The following SMG1 variants were observed in gnomAD, a reference collection of about 807,000 sequenced individuals.
The protein encoded by SMG1 is SMG1 nonsense mediated mRNA decay associated PI3K related kinase, also known as serine/threonine-protein kinase SMG1.
SMG1 carries 22 observed loss-of-function variants against 419.9 expected under a neutral mutation model. The ratio of observed to expected loss-of-function variants is 0.05; its 90% CI spans 0.04 to 0.07. SMG1 has a LOEUF of 0.07. Ranked by LOEUF, SMG1 falls within the 10% of genes least tolerant of loss-of-function variation. SMG1 has a pLI of 1.00. For synonymous variants in SMG1, 1,538 were observed against 1,553.5 expected (o/e 0.99, Z 0.23); for missense variants, 3,185 against 4,342.0 (o/e 0.73, Z 7.49).
chr16:18,899,919 C>A (rs12921861), intron 1 of SMG1: 240,730 of 783,828 alleles, frequency 0.31, 40,951 homozygotes, highest in Non-Finnish European at 0.33. Flanking sequence ...AATTTCCCCA[C>A]AACGATCAAA....
rs1157461970 is a variant in SMG1, at chr16:18,848,046, A to G, written c.5624-13T>C. On this transcript the variant is annotated splice_polypyrimidine_tract_variant and intron_variant, in intron 36 of 62. Transcript: ENST00000446231. ...GAAAATTTATTTCCTGTAATGAAAT[A>G]GGAGAACAAGGAATATTTTGAACAT... 7 of 1,594,956 alleles carry G rather than the reference A, an allele frequency of 4.4e-6. No individual in the cohort carries two copies. In the East Asian group the frequency reaches 1.6e-4, roughly 36 times the overall value.
intron 7 of SMG1, 51 bp downstream of exon 7, chr16:18,885,490 C>T (rs1032765441): frequency 3.1e-6 from 5 of 1,592,628 alleles, no homozygotes; most frequent in Middle Eastern, 4.5e-4. Flanking sequence ...TCCTCACACA[C>T]ACAACCATCC....
At chr16:18,924,086 A>C (rs1298434284) in intron 1 of SMG1, among the ~76,000 whole-genome samples, 6 of 152,208 alleles carry the variant, frequency 3.9e-5, no homozygotes, top group Non-Finnish European at 7.3e-5. Context: ...TCGTCTACCA[A>C]GGCGTTACAT....
intron 25 of SMG1, among the ~76,000 whole-genome samples, chr16:18,862,549 A>G (rs1036195284): frequency 7.2e-5 from 11 of 152,238 alleles, no homozygotes; most frequent in Middle Eastern, 3.4e-3. Context: ...ATCTTAAAAC[A>G]TGGCTTGTTC....
At position 18,870,032 on chromosome 16, in the gene SMG1, T is replaced by G. The variant is rs562548675; in HGVS notation, c.2493-38A>C. On this transcript the variant is annotated intron_variant, in intron 18 of 62. Transcript: ENST00000446231. The stretch of plus-strand genomic sequence containing the variant: ...AATAAAGTTGTTATGCAAAATATTT[T>G]AGCTTAAAAGGTTAGCACATACTGT... 94 of 1,462,630 alleles carry G rather than the reference T, an allele frequency of 6.4e-5. No individual in the cohort carries two copies. In the African/African-American group the frequency reaches 1.0e-3, roughly 16 times the overall value. 90.6% of individuals were successfully genotyped at this position (1,462,630 alleles called of 1,614,324 possible).
chr16:18,836,815 C>T (rs1422258669), intron 46 of SMG1, among the ~76,000 whole-genome samples: 1 of 152,214 alleles, frequency 6.6e-6, no homozygotes, highest in African/African-American at 2.4e-5. Flanking sequence ...GAGCCTCACA[C>T]AATGCTTGAC....
chr16:18,847,218 G>T (rs1311255441), intron 38 of SMG1, among the ~76,000 whole-genome samples: 1 of 152,122 alleles, frequency 6.6e-6, no homozygotes, highest in African/African-American at 2.4e-5. Flanking sequence ...AGGTGGCCAG[G>T]AACTGAGGTG....
Position 18,834,412 on chromosome 16 carries a change from G to A in SMG1, c.8357C>T (p.Ala2786Val), listed in dbSNP as rs1314551318. 5 of 1,613,486 alleles carry A rather than the reference G, an allele frequency of 3.1e-6. No individual in the cohort carries two copies. The highest frequency in any genetic ancestry group is 1.3e-5 in the African/African-American group (1 of 74,866). The change falls in exon 50 of 63, where the codon GCG (alanine) becomes GTG (valine). Residue 2786 changes from alanine to valine, a missense_variant. Ala to Val is a moderately conservative substitution (Grantham distance 64). Transcript: ENST00000446231. ...AACCAGCTGTTCTCCAGCACTTGAC[G>A]CTGCACCTTCCATCATCAGGTTACG... is the stretch of plus-strand genomic sequence containing the variant. ...TRRNLMMEGA[A>V]SSAGEQLVDL...
intron 1 of SMG1, among the ~76,000 whole-genome samples, chr16:18,919,344 AC>A (rs2038096553): frequency 7.0e-6 from 1 of 143,742 alleles, no homozygotes; most frequent in Non-Finnish European, 1.5e-5. Context: ...AAAATTTATG[AC>A]CGGGCACGGT....
chr16:18,899,131 A>G (rs1476957037), intron 1 of SMG1, among the ~76,000 whole-genome samples: 1 of 152,224 alleles, frequency 6.6e-6, no homozygotes, highest in Admixed American at 6.5e-5. Flanking sequence ...GTTCATGAGT[A>G]TATGAATATA....
chr16:18,854,082 CTTTTTTTTTTTT>C (rs11448105), intron 30 of SMG1, among the ~76,000 whole-genome samples: 1 of 84,012 alleles, frequency 1.2e-5, no homozygotes, highest in Non-Finnish European at 2.1e-5. Flanking sequence ...AAATACTAAA[CTTTTTTTTTTTT>C]TTTTTTTTTT....
Position 18,830,251 on chromosome 16 carries a change from C to A in SMG1, c.8911G>T (p.Val2971Phe). The A allele has an allele frequency of 6.2e-7, 1 of 1,613,950 alleles. No homozygotes were observed. The highest frequency in any genetic ancestry group is 8.5e-7 in the Non-Finnish European group (1 of 1,179,880). Reference protein sequence around the residue: ...LVAFDGMFAQVETAFSLLVEK... With the variant: ...LVAFDGMFAQFETAFSLLVEK... ...ACTAATAAGCTGAAAGCAGTTTCAA[C>A]TTGAGCAAACATGCCATCGAATGCT... The change falls in exon 52 of 63, where the codon GTT (valine) becomes TTT (phenylalanine). Residue 2971 changes from valine to phenylalanine, a missense_variant. Val to Phe is a conservative substitution (Grantham distance 50). This residue lies in a region of SMG1 where 737 missense variants were observed against 846.6 expected (regional missense o/e 0.87). Transcript: ENST00000446231.
At chr16:18,909,034 T>A (rs570101930) in intron 1 of SMG1, among the ~76,000 whole-genome samples, 1 of 151,812 alleles carries the variant, frequency 6.6e-6, no homozygotes, top group East Asian at 1.9e-4. Flanking sequence ...ATTACATATG[T>A]TAAATCTTCT....
At chr16:18,816,823 T>G (rs1251242844) in intron 57 of SMG1, among the ~76,000 whole-genome samples, 1 of 152,194 alleles carries the variant, frequency 6.6e-6, no homozygotes, top group Non-Finnish European at 1.5e-5. Context: ...GGTCCCTAAA[T>G]TCTAAATAAC....
chr16:18,916,069 C>CAAAAAAAAAAAAAAAAAAA (rs35871395), intron 1 of SMG1, among the ~76,000 whole-genome samples: 2 of 34,796 alleles, frequency 5.7e-5, no homozygotes, highest in African/African-American at 1.1e-4. Context: ...CACTTCGTCT[C>CAAAAAAAAAAAAAAAAAAA]AAAAAAAAAA....
intron 22 of SMG1, among the ~76,000 whole-genome samples, chr16:18,867,700 CTTTTTT>C (rs778044384): frequency 4.6e-5 from 4 of 87,882 alleles, no homozygotes; most frequent in Non-Finnish European, 6.3e-5. Flanking sequence ...ATTTTAACTT[CTTTTTT>C]TTTTTTTTTT....
At position 18,896,878 on chromosome 16, in the gene SMG1, T is replaced by C. The variant is rs1285930254; in HGVS notation, c.171A>G (p.Gly57=). Residue 57 remains glycine, a synonymous_variant, in exon 2 of 63, where the codon GGA becomes GGG. Transcript: ENST00000446231. ...SRDRGGSSSY[G]LQPSNSAVVS... ...CCACAGCTGAATTTGAAGGTTGCAG[T>C]CCATAAGAGGAAGAACCACCTCTAT... The C allele has an allele frequency of 8.1e-6, 13 of 1,608,630 alleles. No individual in the cohort carries two copies. The highest frequency in any genetic ancestry group is 1.1e-5 in the Non-Finnish European group (13 of 1,177,918).
chr16:18,841,555 T>C lies in SMG1; in HGVS notation c.6696+10A>G. On this transcript the variant is annotated intron_variant, in intron 41 of 62. Transcript: ENST00000446231. ...ATAGACTAATACACTGTGTAGATGA[T>C]TTAATCAACCTTTTGTGCTTGTAAG... 1.2e-6 allele frequency: 2 copies of C among 1,611,074 alleles called. No individual in the cohort carries two copies. Among genetic ancestry groups the C allele is most frequent in the Non-Finnish European group, 1.7e-6 (2 of 1,177,686 alleles).
At chr16:18,910,188 T>TC (rs1338293242) in intron 1 of SMG1, among the ~76,000 whole-genome samples, 4 of 150,584 alleles carry the variant, frequency 2.7e-5, no homozygotes, top group South Asian at 2.1e-4. Flanking sequence ...CACCTCAGCC[T>TC]CCCAAGTAGG....
Sources: gnomAD v4.1 joint callset for allele counts (sites outside exome capture counted in the v4.1 genomes callset) on GRCh38, gnomAD v4.1.1 for gene constraint, gnomAD v4.1.1 regional missense constraint, MANE v1.5 for transcripts, NCBI Gene and HGNC (gene_info 2026-07-23, HGNC 2026-07-21) for gene names.